The following TENM3 variants were observed in gnomAD, a reference collection of about 807,000 sequenced individuals.
TENM3 encodes teneurin-3.
Under a neutral mutation model 255.1 loss-of-function variants are expected in TENM3, and 63 were observed. The observed-to-expected ratio is 0.25, with a 90% confidence interval of 0.20 to 0.30. The LOEUF is 0.30. Among genes scored for constraint, TENM3 ranks in the 10% least tolerant of loss-of-function variants. TENM3 has a pLI of 1.00. For synonymous variants in TENM3, 1,306 were observed against 1,322.3 expected (o/e 0.99, Z 0.27); for missense variants, 2,929 against 3,461.1 (o/e 0.85, Z 3.86).
At chr4:181,574,731 A>G in the TENM3 span, among the ~76,000 whole-genome samples, 4 of 152,294 alleles carry the variant, frequency 2.6e-5, no homozygotes, top group African/African-American at 9.6e-5. Flanking sequence ...AATATAGATC[A>G]TTATATAGAA....
chr4:182,417,400 A>G (rs572334794), intron 3 of TENM3, among the ~76,000 whole-genome samples: 1 of 152,318 alleles, frequency 6.6e-6, no homozygotes, highest in African/African-American at 2.4e-5. Flanking sequence ...TTAAATATAA[A>G]CATATAATAC....
At chr4:181,726,204 A>G in the TENM3 span, among the ~76,000 whole-genome samples, 2 of 152,208 alleles carry the variant, frequency 1.3e-5, no homozygotes, top group South Asian at 4.1e-4. Flanking sequence ...TTATTCATTC[A>G]AAAATAAAAC....
At chr4:182,111,341 A>T in the TENM3 span, among the ~76,000 whole-genome samples, 1 of 151,930 alleles carries the variant, frequency 6.6e-6, no homozygotes, top group African/African-American at 2.4e-5. Flanking sequence ...GAAGCAATAA[A>T]CCATAATGGT....
intron 3 of TENM3, among the ~76,000 whole-genome samples, chr4:182,458,423 C>G (rs1449690459): frequency 1.3e-5 from 2 of 152,090 alleles, no homozygotes; most frequent in Non-Finnish European, 2.9e-5. Context: ...TGGTTTTGGT[C>G]AACTAAAACC....
the TENM3 span, among the ~76,000 whole-genome samples, chr4:182,014,306 C>A: frequency 1.3e-5 from 2 of 151,814 alleles, no homozygotes; most frequent in African/African-American, 2.4e-5. Flanking sequence ...TTAAATAGAG[C>A]AAGGTTAGCC....
intron 22 of TENM3, among the ~76,000 whole-genome samples, chr4:182,764,591 A>G (rs1763518032): frequency 6.6e-6 from 1 of 152,302 alleles, no homozygotes; most frequent in South Asian, 2.1e-4. Flanking sequence ...AAGAGAGAGA[A>G]AGAGACTGCT....
At chr4:181,963,818 G>A in the TENM3 span, among the ~76,000 whole-genome samples, 1 of 152,136 alleles carries the variant, frequency 6.6e-6, no homozygotes, top group Non-Finnish European at 1.5e-5. Context: ...GATCATTTTA[G>A]GTATTCACAT....
At chr4:182,015,914 A>G in the TENM3 span, among the ~76,000 whole-genome samples, 1 of 152,226 alleles carries the variant, frequency 6.6e-6, no homozygotes, top group Non-Finnish European at 1.5e-5. Context: ...GAAAACCATC[A>G]TTAACTTAAA....
At chr4:182,343,116 G>A (rs1251215679) in intron 2 of TENM3, among the ~76,000 whole-genome samples, 1 of 152,160 alleles carries the variant, frequency 6.6e-6, no homozygotes, top group African/African-American at 2.4e-5. Context: ...CACCTAGGTT[G>A]TGTTTATTCA....
At chr4:181,710,038 G>A in the TENM3 span, among the ~76,000 whole-genome samples, 16 of 152,226 alleles carry the variant, frequency 1.1e-4, no homozygotes, top group East Asian at 2.7e-3. Flanking sequence ...AGTGTTGGGG[G>A]GACAGTGGGA....
chr4:181,570,078 G>A, the TENM3 span, among the ~76,000 whole-genome samples: 9 of 132,216 alleles, frequency 6.8e-5, no homozygotes, highest in East Asian at 2.2e-4. Context: ...TCGCTCTGTC[G>A]CCCAGGTCGG....
chr4:182,596,330 G>C (rs1747220812), intron 3 of TENM3, among the ~76,000 whole-genome samples: 1 of 152,148 alleles, frequency 6.6e-6, no homozygotes, highest in Admixed American at 6.5e-5. Flanking sequence ...GCCCTTGTGA[G>C]GTCCATAGAG....
At chr4:181,831,954 A>G in the TENM3 span, among the ~76,000 whole-genome samples, 1 of 145,204 alleles carries the variant, frequency 6.9e-6, no homozygotes, top group Non-Finnish European at 1.5e-5. Context: ...ATACAGTAAT[A>G]TATATATATT....
the TENM3 span, among the ~76,000 whole-genome samples, chr4:181,635,832 G>A: frequency 2.0e-5 from 3 of 151,874 alleles, no homozygotes; most frequent in African/African-American, 4.8e-5. Flanking sequence ...GGAGGGAGAC[G>A]GGGCTTCCTC....
intron 1 of TENM3, among the ~76,000 whole-genome samples, chr4:182,314,099 T>C (rs1159067667): frequency 6.6e-6 from 1 of 151,964 alleles, no homozygotes; most frequent in Non-Finnish European, 1.5e-5. Flanking sequence ...GATCACGAGG[T>C]CAGGAGATCG....
the TENM3 span, among the ~76,000 whole-genome samples, chr4:181,638,445 A>G: frequency 6.6e-6 from 1 of 152,354 alleles, no homozygotes; most frequent in East Asian, 1.9e-4. Flanking sequence ...TTTAAGAAGT[A>G]TAAAAATTAT....
the TENM3 span, among the ~76,000 whole-genome samples, chr4:182,081,486 A>G: frequency 2.0e-5 from 3 of 149,310 alleles, no homozygotes; most frequent in Admixed American, 6.8e-5. Flanking sequence ...CGGGAGGCTG[A>G]GGCAGAAGAA....
the TENM3 span, among the ~76,000 whole-genome samples, chr4:181,806,465 G>A: frequency 3.9e-5 from 6 of 152,204 alleles, no homozygotes; most frequent in African/African-American, 1.4e-4. Context: ...TTTAATTGCC[G>A]TTGTGACAGT....
rs367906246 is a variant in TENM3 at position 182,199,720 on chromosome 4, CTTTTTTT to C, written c.-76+54983_-76+54989del. On this transcript the variant is annotated intron_variant, in intron 1 of 2. Coordinates refer to the TENM3 transcript ENST00000512480. Reference sequence around the variant, plus strand: ...TAGATGGCTTTGTGGAACATCATTGCTTTTTTTTTTTTTTTTTTTTTTTGAGACAGGA... The same window carrying C: ...TAGATGGCTTTGTGGAACATCATTGCTTTTTTTTTTTTTTTTGAGACAGGA... 1.2e-3 allele frequency among the ~76,000 whole-genome samples: 122 copies of C among 104,822 alleles called. 1 individual carries two copies. Among genetic ancestry groups the C allele is most frequent in the African/African-American group, 1.5e-3 (39 of 26,670 alleles). The allele number at this position is 104,822 out of a possible 152,430, so 68.8% of individuals were successfully genotyped here.
Sources: allele counts gnomAD v4.1 joint callset (sites outside exome capture counted in the v4.1 genomes callset), GRCh38; gene constraint gnomAD v4.1.1; transcripts MANE v1.5; gene names NCBI Gene and HGNC (gene_info 2026-07-23, HGNC 2026-07-21).